SLC6A6: variants seen among roughly 807,000 people sequenced by gnomAD.
SLC6A6 encodes solute carrier family 6 member 6, also known as sodium- and chloride-dependent taurine transporter.
A neutral mutation model predicts 68.8 loss-of-function variants in SLC6A6; 16 were observed. The ratio of observed to expected loss-of-function variants is 0.23; its 90% CI spans 0.16 to 0.35. The LOEUF is 0.35. Among genes scored for constraint, SLC6A6 ranks in the 10% least tolerant of loss-of-function variants. The probability of loss-of-function intolerance (pLI) is 1.00; values close to 1 mark genes in which losing one functional copy is unlikely to be tolerated. For synonymous variants in SLC6A6, 312 were observed against 315.4 expected (o/e 0.99, Z 0.12); for missense variants, 474 against 802.8 (o/e 0.59, Z 4.95).
At chr3:14,404,701 C>T (rs900032545) in intron 1 of SLC6A6, among the ~76,000 whole-genome samples, 1 of 152,206 alleles carries the variant, frequency 6.6e-6, no homozygotes, top group Non-Finnish European at 1.5e-5. Flanking sequence ...GGCCTCACTA[C>T]GTCCTTGAGG....
chr3:14,483,077 C>T (rs1380628477), intron 14 of SLC6A6, among the ~76,000 whole-genome samples: 1 of 152,200 alleles, frequency 6.6e-6, no homozygotes, highest in African/African-American at 2.4e-5. Flanking sequence ...CAATTACATA[C>T]CATTGGTTCA....
Position 14,479,162 on chromosome 3 carries a change from G to C in SLC6A6, c.1528G>C (p.Val510Leu). The C allele has an allele frequency of 1.2e-6, 2 of 1,611,486 alleles. No individual in the cohort carries two copies. Among genetic ancestry groups the C allele is most frequent in the Non-Finnish European group, 1.7e-6 (2 of 1,177,532 alleles). Residue 510 changes from valine to leucine, a missense_variant, in exon 13 of 15, where the codon GTG becomes CTG. Coordinates refer to ENST00000622186, the MANE Select transcript of SLC6A6 (RefSeq NM_003043.6). ...PGPWMKYSWA[V>L]ITPVLCVGCF... ...GCCCTGGATGAAGTACAGCTGGGCTGTGATCACTCCAGTTCTCTGTGTTGT... is the reference window on the plus strand; with the variant it reads ...GCCCTGGATGAAGTACAGCTGGGCTCTGATCACTCCAGTTCTCTGTGTTGT...
At chr3:14,409,818 GC>G (rs563955680) in intron 1 of SLC6A6, among the ~76,000 whole-genome samples, 375 of 152,244 alleles carry the variant, frequency 2.5e-3, no homozygotes, top group Middle Eastern at 6.8e-3. Flanking sequence ...AACCTTCTCT[GC>G]CCACCCACTT....
At chr3:14,480,153 C>T (rs1051056786) in intron 13 of SLC6A6, among the ~76,000 whole-genome samples, 3 of 152,210 alleles carry the variant, frequency 2.0e-5, no homozygotes, top group Admixed American at 1.3e-4. Context: ...TGGCAGCTGA[C>T]GACCTTAGAC....
chr3:14,454,254 G>T (rs181591641), intron 5 of SLC6A6, among the ~76,000 whole-genome samples: 21 of 149,906 alleles, frequency 1.4e-4, no homozygotes, highest in Non-Finnish European at 7.4e-5. Flanking sequence ...TCATCCTGGG[G>T]GCGTCAGGGG....
intron 2 of SLC6A6, among the ~76,000 whole-genome samples, chr3:14,436,531 CTTTTTTTTTTTTTTTTTTTTTTT>C (rs58996264): frequency 8.0e-5 from 9 of 112,578 alleles, no homozygotes; most frequent in East Asian, 6.6e-4. Context: ...CAACAACTCC[CTTTTTTTTTTTTTTTTTTTTTTT>C]TTTTTTTTTT....
At chr3:14,457,305 T>C (rs1700391857) in intron 5 of SLC6A6, among the ~76,000 whole-genome samples, 1 of 152,162 alleles carries the variant, frequency 6.6e-6, no homozygotes, top group African/African-American at 2.4e-5. Flanking sequence ...GAAACCAGCA[T>C]TGCTTAGGTG....
At chr3:14,436,298 G>GC (rs943145216) in intron 2 of SLC6A6, among the ~76,000 whole-genome samples, 6 of 152,058 alleles carry the variant, frequency 3.9e-5, no homozygotes, top group African/African-American at 1.4e-4. Context: ...ACTCCCGGGT[G>GC]CAAGTGATCC....
In SLC6A6 at chr3:14,468,125, A is replaced by G. The variant is rs1700662950; in HGVS notation, c.1009A>G (p.Ser337Gly). 2 of 1,613,974 alleles carry G rather than the reference A, an allele frequency of 1.2e-6. No individual in the cohort carries two copies. The highest frequency in any genetic ancestry group is 1.3e-5 in the African/African-American group (1 of 74,886). ...MLLGCLNSGT[S>G]FVSGFAIFSI... Reference sequence around the variant, plus strand: ...GCTGGGATGCCTGAACAGTGGTACCAGTTTTGTGTCTGGCTTCGCAATTTT... The same window carrying G: ...GCTGGGATGCCTGAACAGTGGTACCGGTTTTGTGTCTGGCTTCGCAATTTT... The change falls in exon 9 of 15, where the codon AGT becomes GGT. Residue 337 changes from serine to glycine, a missense_variant. By Grantham distance (56) the Ser-to-Gly change is moderately conservative (BLOSUM62 0). Coordinates refer to ENST00000622186, the MANE Select transcript of SLC6A6 (RefSeq NM_003043.6). The surrounding 1 kb of genome is among the most constrained non-coding windows in gnomAD (Gnocchi z 4.5).
chr3:14,407,005 CCTCCA>C (rs1699124203), intron 1 of SLC6A6, among the ~76,000 whole-genome samples: 1 of 151,978 alleles, frequency 6.6e-6, no homozygotes, highest in Non-Finnish European at 1.5e-5. Flanking sequence ...TGAATCAGAA[CCTCCA>C]GGGGGATGGA....
chr3:14,484,792 G>A, intron 14 of SLC6A6, 75 bp from the exon 15 acceptor site: 6 of 1,489,892 alleles, frequency 4.0e-6, no homozygotes, highest in East Asian at 4.6e-5. Context: ...AATTCAGGAG[G>A]AGGCAGATGG....
At chr3:14,420,489 CTTTTTTTTTTT>C (rs763732632) in intron 2 of SLC6A6, among the ~76,000 whole-genome samples, 2 of 128,082 alleles carry the variant, frequency 1.6e-5, no homozygotes, top group Non-Finnish European at 3.2e-5. Context: ...AACCACTCTG[CTTTTTTTTTTT>C]TTTTTTTTGA....
intron 2 of SLC6A6, among the ~76,000 whole-genome samples, chr3:14,441,980 C>T (rs987182418): frequency 2.6e-5 from 4 of 152,176 alleles, no homozygotes; most frequent in African/African-American, 7.2e-5. Context: ...GACAGGGAAG[C>T]GAGGAATTGA....
rs1553578762 is a variant in SLC6A6 at position 14,468,339 on chromosome 3, C to CT, written c.1096+127_1096+128insT. ...CGAGCCTGGTTTCTAAAATGGACCCCCCCCCCGCCACCAAGATATCCCCCA... is the reference window on the plus strand; with the variant it reads ...CGAGCCTGGTTTCTAAAATGGACCCCTCCCCCCGCCACCAAGATATCCCCCA... On this transcript the variant is annotated intron_variant, in intron 9 of 14. Transcript: ENST00000622186. The surrounding 1 kb of genome is among the most constrained non-coding windows in gnomAD (Gnocchi z 4.5). 2.7e-6 allele frequency: 2 copies of CT among 735,638 alleles called. No homozygotes were observed. The highest frequency in any genetic ancestry group is 3.7e-5 in the African/African-American group (2 of 53,760). The allele number at this position is 735,638 out of a possible 1,614,324, so 45.6% of individuals were successfully genotyped here.
rs866654813 is a variant in SLC6A6, at chr3:14,472,627, G to T, written c.1209+310G>T. On this transcript the variant is annotated intron_variant, in intron 10 of 14. Transcript: ENST00000622186. The surrounding 1 kb of genome is among the most constrained non-coding windows in gnomAD (Gnocchi z 4.5). ...GGTGGGTTATGACAGGGACAACCAG[G>T]GTTTGTGGTTACAGTCAAGCCACAA... Among the ~76,000 whole-genome samples, 3 of 152,302 alleles carry T rather than the reference G, an allele frequency of 2.0e-5. No homozygotes were observed. Among genetic ancestry groups the T allele is most frequent in the Middle Eastern group, 6.8e-3 (2 of 294 alleles).
At chr3:14,478,590 T>G in intron 12 of SLC6A6, 22 bp downstream of exon 12, 1 of 1,425,936 alleles carries the variant, frequency 7.0e-7, no homozygotes, top group Non-Finnish European at 9.9e-7. Flanking sequence ...TTTTTTCATG[T>G]CCTTTCTCAA....
At chr3:14,429,732 T>G (rs1699681157) in intron 2 of SLC6A6, among the ~76,000 whole-genome samples, 1 of 152,208 alleles carries the variant, frequency 6.6e-6, no homozygotes, top group African/African-American at 2.4e-5. Flanking sequence ...ATCTGCATTT[T>G]TAGCCAGTGT....
intron 1 of SLC6A6, among the ~76,000 whole-genome samples, 192 bp downstream of exon 1, chr3:14,403,039 G>C (rs1699021696): frequency 6.6e-6 from 1 of 152,078 alleles, no homozygotes; most frequent in Non-Finnish European, 1.5e-5. Context: ...TTGTTTCCCC[G>C]GCAAAAGGGC....
At chr3:14,405,300 T>C (rs1699082165) in intron 1 of SLC6A6, among the ~76,000 whole-genome samples, 2 of 152,142 alleles carry the variant, frequency 1.3e-5, no homozygotes, top group Admixed American at 6.5e-5. Context: ...GGGTCAGCCC[T>C]CCACAAGGCA....
Sources: gnomAD v4.1 joint callset for allele counts (sites outside exome capture counted in the v4.1 genomes callset) on GRCh38, gnomAD v4.1.1 for gene constraint, Gnocchi (gnomAD v3.1) non-coding constraint, MANE v1.5 for transcripts, NCBI Gene and HGNC (gene_info 2026-07-23, HGNC 2026-07-21) for gene names.